Variants in NFIC observed in about 807,000 individuals in gnomAD.
NFIC encodes the protein nuclear factor 1 C-type.
A neutral mutation model predicts 54.4 loss-of-function variants in NFIC; 12 were observed. The ratio of observed to expected loss-of-function variants is 0.22; its 90% CI spans 0.14 to 0.36. NFIC has a LOEUF of 0.36. Ranked by LOEUF, NFIC falls within the 10% of genes least tolerant of loss-of-function variation. The pLI is 1.00. For synonymous variants in NFIC, 322 were observed against 319.2 expected (o/e 1.01, Z -0.09); for missense variants, 575 against 718.2 (o/e 0.80, Z 2.28).
intron 2 of NFIC, among the ~76,000 whole-genome samples, chr19:3,402,655 T>C (rs1419358897): frequency 2.0e-5 from 3 of 152,088 alleles, no homozygotes; most frequent in Admixed American, 2.0e-4. Context: ...AACAGAAGGC[T>C]GAGATTGAGG....
At chr19:3,431,962 G>A (rs1178333197) in intron 3 of NFIC, among the ~76,000 whole-genome samples, 1 of 152,150 alleles carries the variant, frequency 6.6e-6, no homozygotes, top group Non-Finnish European at 1.5e-5. Flanking sequence ...ATTAATCTTG[G>A]CTGCTGTCTG....
intron 1 of NFIC, among the ~76,000 whole-genome samples, chr19:3,368,284 T>C (rs575643740): frequency 6.6e-6 from 1 of 152,228 alleles, no homozygotes; most frequent in South Asian, 2.1e-4. Flanking sequence ...GAAGGCTGCC[T>C]GTGCACCCTG....
In NFIC at chr19:3,369,362, A is replaced by G. The variant is rs539197197; in HGVS notation, c.30+2696A>G. Among the ~76,000 whole-genome samples, 198 of 150,800 alleles carry G rather than the reference A, an allele frequency of 1.3e-3. No homozygotes were observed. The highest frequency in any genetic ancestry group is 2.5e-3 in the Non-Finnish European group (168 of 67,626). ...TCTCCCTGTCTCTCTCTATCTCTGC[A>G]TGTGTCTCCTTACTCCTCTCTCTCT... On this transcript the variant is annotated intron_variant, in intron 1 of 10. Coordinates refer to ENST00000443272, the MANE Select transcript of NFIC (RefSeq NM_001245002.2). The surrounding 1 kb of genome is among the most constrained non-coding windows in gnomAD (Gnocchi z 4.3).
chr19:3,368,452 G>A (rs190591438), intron 1 of NFIC, among the ~76,000 whole-genome samples: 201 of 152,132 alleles, frequency 1.3e-3, no homozygotes, highest in African/African-American at 4.4e-3. Flanking sequence ...GCTGTCTGTG[G>A]AAACCAAAAA....
intron 7 of NFIC, 73 bp downstream of exon 7, chr19:3,449,212 C>T (rs1260364299): frequency 1.9e-6 from 3 of 1,543,786 alleles, no homozygotes; most frequent in Non-Finnish European, 2.6e-6. Context: ...CGGGGAAGTC[C>T]CACTGGATGT....
rs909527787 is a variant in NFIC, at chr19:3,370,524, C to A, written c.30+3858C>A. ...CTCTGTCTCCCTCCCTTTCTCCCCC[C>A]ATCTCGCTCTCTCCTCCTCTCTCCC... On this transcript the variant is annotated intron_variant, in intron 1 of 10. Transcript: ENST00000443272. The surrounding 1 kb of genome is among the most constrained non-coding windows in gnomAD (Gnocchi z 5.2). 1.5e-4 allele frequency among the ~76,000 whole-genome samples: 22 copies of A among 149,060 alleles called. No individual in the cohort carries two copies. Among genetic ancestry groups the A allele is most frequent in the Admixed American group, 1.5e-3 (22 of 15,020 alleles).
At chr19:3,427,052 G>A (rs183139411) in intron 3 of NFIC, among the ~76,000 whole-genome samples, 3 of 150,256 alleles carry the variant, frequency 2.0e-5, no homozygotes, top group East Asian at 3.9e-4. Context: ...TCAGCCTCCC[G>A]AGTAGCTGGG....
Position 3,418,224 on chromosome 19 carries a change from G to T in NFIC, c.563-6882G>T, listed in dbSNP as rs1055170854. Reference sequence around the variant, plus strand: ...AGCAGTCCTCCCACCTCAGCTCCCCGAGTAGCTGGAACTACAGGCATGCCA... The same window carrying T: ...AGCAGTCCTCCCACCTCAGCTCCCCTAGTAGCTGGAACTACAGGCATGCCA... On this transcript the variant is annotated intron_variant, in intron 2 of 10. Transcript: ENST00000443272. 2.0e-5 allele frequency among the ~76,000 whole-genome samples: 3 copies of T among 149,922 alleles called. No homozygotes were observed. In the Admixed American group the frequency reaches 2.0e-4, roughly 10 times the overall value.
chr19:3,359,845 C>G (rs2080787047), intron 1 of NFIC, among the ~76,000 whole-genome samples: 1 of 150,486 alleles, frequency 6.6e-6, no homozygotes, highest in Non-Finnish European at 1.5e-5. Flanking sequence ...CACGGGACCC[C>G]TACCCACGAT....
At chr19:3,408,697 G>A (rs1290726766) in intron 2 of NFIC, among the ~76,000 whole-genome samples, 1 of 152,100 alleles carries the variant, frequency 6.6e-6, no homozygotes, top group Non-Finnish European at 1.5e-5. Context: ...CGCCTCCTGG[G>A]TTCAAGCAGT....
chr19:3,363,241 G>GTA (rs1555736643), upstream of NFIC, among the ~76,000 whole-genome samples: 405 of 77,014 alleles, frequency 5.3e-3, 2 homozygotes, highest in Non-Finnish European at 7.3e-3. Context: ...GTATGTGTGT[G>GTA]TATATATATA....
intron 6 of NFIC, among the ~76,000 whole-genome samples, chr19:3,440,951 G>A (rs1438740173): frequency 4.6e-5 from 7 of 152,142 alleles, no homozygotes. Context: ...AAGTAGCTGG[G>A]ACTATGGGCA....
At chr19:3,364,309 C>T (rs912060163), upstream of NFIC, among the ~76,000 whole-genome samples, 1 of 152,180 alleles carries the variant, frequency 6.6e-6, no homozygotes, top group Non-Finnish European at 1.5e-5. Flanking sequence ...TAACCACGGG[C>T]AGGTATTTGC....
At chr19:3,401,882 C>A (rs1299914332) in intron 2 of NFIC, among the ~76,000 whole-genome samples, 1 of 151,720 alleles carries the variant, frequency 6.6e-6, no homozygotes, top group Non-Finnish European at 1.5e-5. Context: ...CCACCTCACC[C>A]AGCTAATTTT....
At chr19:3,434,908 G>A (rs964275764) in intron 5 of NFIC, 175 bp from the exon 6 acceptor site, 11 of 833,502 alleles carry the variant, frequency 1.3e-5, no homozygotes, top group Non-Finnish European at 1.8e-5. Context: ...CAATGGACAG[G>A]TTGGAACAGG....
intron 6 of NFIC, among the ~76,000 whole-genome samples, chr19:3,436,309 ATTT>A (rs71166903): frequency 0.41 from 35,832 of 86,986 alleles, 6,142 homozygotes; most frequent in East Asian, 0.79. Flanking sequence ...TGCGCCGTTA[ATTT>A]TTTTTTTTTT....
intron 3 of NFIC, among the ~76,000 whole-genome samples, chr19:3,426,878 T>A (rs2082035238): frequency 1.3e-5 from 2 of 151,444 alleles, no homozygotes. Context: ...CTCAGAGAGG[T>A]CTACCCTAAA....
chr19:3,450,298 T>C lies in NFIC; in HGVS notation c.1084+1159T>C, dbSNP rs189178718. Among the ~76,000 whole-genome samples the C allele has an allele frequency of 2.7e-3, 398 of 149,642 alleles. 3 individuals carry two copies. Among genetic ancestry groups the C allele is most frequent in the Non-Finnish European group, 4.8e-3 (323 of 67,706 alleles). On this transcript the variant is annotated intron_variant, in intron 7 of 10. Transcript: ENST00000443272. ...AGGCGGAGCTTGCAGTGAGCCAAGA[T>C]CGTGCCAGTGCACTCCAGCCTGGGT...
chr19:3,441,885 TC>T (rs1178517486), intron 6 of NFIC, among the ~76,000 whole-genome samples: 2 of 151,968 alleles, frequency 1.3e-5, no homozygotes, highest in East Asian at 3.9e-4. Flanking sequence ...CTCGGCATCC[TC>T]CCCCCACCCT....
Sources: gnomAD v4.1 joint callset for allele counts (sites outside exome capture counted in the v4.1 genomes callset) on GRCh38, gnomAD v4.1.1 for gene constraint, Gnocchi (gnomAD v3.1) non-coding constraint, MANE v1.5 for transcripts, NCBI Gene and HGNC (gene_info 2026-07-23, HGNC 2026-07-21) for gene names.